The following DENND3 variants were observed in gnomAD, a reference collection of about 807,000 sequenced individuals.
The protein encoded by DENND3 is DENN domain-containing protein 3.
A neutral mutation model predicts 135.1 loss-of-function variants in DENND3; 88 were observed. That is an observed-to-expected ratio of 0.65 (90% CI 0.55 to 0.78). The LOEUF is 0.78. Ranked by LOEUF, DENND3 falls within the 30% of genes least tolerant of loss-of-function variation. DENND3 has a pLI of 0.00. For synonymous variants in DENND3, 693 were observed against 712.3 expected, an observed-to-expected ratio of 0.97 and a Z score of 0.43; for missense variants, 1,392 against 1,688.4, an observed-to-expected ratio of 0.82 and a Z score of 3.08.
chr8:141,190,575 C>T (rs991268344), intron 20 of DENND3, 158 bp downstream of exon 20: 2 of 1,137,722 alleles, frequency 1.8e-6, no homozygotes, highest in African/African-American at 3.2e-5. Flanking sequence ...AACCTTTACT[C>T]CACCTGCACT....
At chr8:141,163,184 G>C (rs147296754) in intron 9 of DENND3, 149 bp from the exon 10 acceptor site, 1 of 521,618 alleles carries the variant, frequency 1.9e-6, no homozygotes, top group East Asian at 2.9e-5. Context: ...CATCCACATC[G>C]TATCATTTTG....
rs1817397194 is a variant in DENND3, at chr8:141,141,091, T to G, written c.502-112T>G. The G allele has an allele frequency of 1.2e-4, 178 of 1,502,452 alleles. No homozygotes were observed. Among genetic ancestry groups the G allele is most frequent in the East Asian group, 6.8e-4 (29 of 42,718 alleles). 93.1% of individuals were successfully genotyped at this position (1,502,452 alleles called of 1,614,324 possible). On this transcript the variant is annotated intron_variant, in intron 3 of 22. Coordinates refer to ENST00000519811, the MANE Select transcript of DENND3 (RefSeq NM_001352890.3). This position sits in a 1 kb window ranked among gnomAD's most constrained non-coding sequence, Gnocchi z 5.3. Reference sequence around the variant, plus strand: ...TGCTGGCTTGGACGCGTTGCAGGGGTGGGGATGGTGGACTCTCAGCTTGCT... The same window carrying G: ...TGCTGGCTTGGACGCGTTGCAGGGGGGGGGATGGTGGACTCTCAGCTTGCT...
chr8:141,190,396 C>A lies in DENND3; in HGVS notation c.3358C>A (p.His1120Asn). ...PRGGLTSIRL[H>N]GGRLWCCTGN... Reference sequence around the variant, plus strand: ...AGGTGGCCTGACGTCCATCAGACTGCACGGCGGCCGCCTGTGGTGCTGTAA... The same window carrying A: ...AGGTGGCCTGACGTCCATCAGACTGAACGGCGGCCGCCTGTGGTGCTGTAA... The change falls in exon 20 of 23, where the codon CAC (histidine) becomes AAC (asparagine). Residue 1120 changes from histidine to asparagine, a missense_variant. Coordinates refer to ENST00000519811, the MANE Select transcript of DENND3 (RefSeq NM_001352890.3). 2 of 1,610,750 alleles carry A rather than the reference C, an allele frequency of 1.2e-6. No homozygotes were observed. Among genetic ancestry groups the A allele is most frequent in the Non-Finnish European group, 8.5e-7 (1 of 1,179,284 alleles).
Position 141,183,578 on chromosome 8 carries a change from G to A in DENND3, c.2945-1561G>A, listed in dbSNP as rs187282440. ...CCAAAAGCAATGATTTTAAAAAGAA[G>A]ACACTTTTTTTTTCCTCCTTTCAAA... On this transcript the variant is annotated intron_variant, in intron 17 of 22. Transcript: ENST00000519811. Among the ~76,000 whole-genome samples the A allele has an allele frequency of 2.2e-4, 34 of 151,824 alleles. 1 individual carries two copies. The highest frequency in any genetic ancestry group is 8.2e-4 in the African/African-American group (34 of 41,288).
intron 20 of DENND3, 172 bp downstream of exon 20, chr8:141,190,589 G>C: frequency 4.0e-6 from 4 of 991,412 alleles, no homozygotes; most frequent in Non-Finnish European, 5.5e-6. Context: ...CTGCACTGCT[G>C]CTCCTGGGGG....
chr8:141,193,179 C>G (rs1419746360), intron 22 of DENND3: 4 of 186,020 alleles, frequency 2.2e-5, no homozygotes, highest in African/African-American at 9.5e-5. Flanking sequence ...TCTGAACTAT[C>G]TGCAGACTCT....
chr8:141,132,994 TC>T (rs561918084), intron 1 of DENND3, among the ~76,000 whole-genome samples: 46 of 152,210 alleles, frequency 3.0e-4, no homozygotes, highest in African/African-American at 1.1e-3. Flanking sequence ...CTCCACCGCA[TC>T]CCCTCAAATG....
rs541242981 is a variant in DENND3, at chr8:141,165,245, C to T, written c.1509C>T (p.Asp503=). 4.8e-5 allele frequency: 77 copies of T among 1,614,200 alleles called. No individual in the cohort carries two copies. Among genetic ancestry groups the T allele is most frequent in the East Asian group, 4.5e-4 (20 of 44,884 alleles). ...AAGCCCGGCTCAATAGGAGGATGGA[C>T]GCCTTTGCTCAGATGGACCTCGACA... ...FLKARLNRRM[D]AFAQMDLDTQ... Residue 503 remains aspartate, a synonymous_variant, in exon 11 of 23, where the codon GAC becomes GAT. Transcript: ENST00000519811.
Position 141,150,964 on chromosome 8 carries a change from C to A in DENND3, c.855+11C>A. ...GAGAAGGTGCTACAGGTACGCGGCCCCGCCCCGGCGAGCGCGTCTTGTGCT... is the reference window on the plus strand; with the variant it reads ...GAGAAGGTGCTACAGGTACGCGGCCACGCCCCGGCGAGCGCGTCTTGTGCT... On this transcript the variant is annotated intron_variant, in intron 6 of 22. Transcript: ENST00000519811. 2 of 1,529,106 alleles carry A rather than the reference C, an allele frequency of 1.3e-6. No individual in the cohort carries two copies. Among genetic ancestry groups the A allele is most frequent in the Non-Finnish European group, 1.7e-6 (2 of 1,143,268 alleles). The allele number at this position is 1,529,106 out of a possible 1,614,324, so 94.7% of individuals were successfully genotyped here.
chr8:141,152,017 C>T (rs554363641), intron 7 of DENND3, among the ~76,000 whole-genome samples, 180 bp downstream of exon 7: 13 of 152,342 alleles, frequency 8.5e-5, no homozygotes, highest in African/African-American at 2.4e-4. Flanking sequence ...GTGATGAAGC[C>T]GGGACCCCTT....
intron 4 of DENND3, chr8:141,142,471 CTGT>C: frequency 2.3e-6 from 1 of 433,532 alleles, no homozygotes; most frequent in Non-Finnish European, 4.6e-6. Context: ...AGGAACCTTA[CTGT>C]TCAAATCAAT....
chr8:141,189,555 C>T lies in DENND3; in HGVS notation c.3245+409C>T, dbSNP rs144902729. ...CTGCTGTTTCCCACAGTGGGAGCAG[C>T]ACTGGACACGGGGCATCCAGGGAGA... On this transcript the variant is annotated intron_variant, in intron 19 of 22. Transcript: ENST00000519811. 3.0e-3 allele frequency among the ~76,000 whole-genome samples: 454 copies of T among 152,362 alleles called. 1 individual carries two copies. The highest frequency in any genetic ancestry group is 0.01 in the African/African-American group (424 of 41,586).
Position 141,189,801 on chromosome 8 carries a change from G to A in DENND3, c.3246-483G>A, listed in dbSNP as rs1472541803. 3.9e-5 allele frequency among the ~76,000 whole-genome samples: 6 copies of A among 152,306 alleles called. No individual in the cohort carries two copies. The South Asian group carries it at 8.3e-4, about 21-fold the overall frequency. On this transcript the variant is annotated intron_variant, in intron 19 of 22. Coordinates refer to ENST00000519811, the MANE Select transcript of DENND3 (RefSeq NM_001352890.3). ...AGCTGGCTCAGGAGGTTCAGGGGTG[G>A]CGCAGGGTGCAGGCTCGAGCCCAGC...
chr8:141,167,863 A>G lies in DENND3; in HGVS notation c.1754-141A>G. The G allele has an allele frequency of 8.2e-7, 1 of 1,216,406 alleles. No individual in the cohort carries two copies. Among genetic ancestry groups the G allele is most frequent in the East Asian group, 2.4e-5 (1 of 41,948 alleles). 75.4% of individuals were successfully genotyped at this position (1,216,406 alleles called of 1,614,324 possible). ...GCCTCCCAGGGGGGTGGGTGTGTGGAGCTTTCTGGAGGGAGCACACCCATT... is the reference window on the plus strand; with the variant it reads ...GCCTCCCAGGGGGGTGGGTGTGTGGGGCTTTCTGGAGGGAGCACACCCATT... On this transcript the variant is annotated intron_variant, in intron 12 of 22. Coordinates refer to ENST00000519811, the MANE Select transcript of DENND3 (RefSeq NM_001352890.3). This position sits in a 1 kb window ranked among gnomAD's most constrained non-coding sequence, Gnocchi z 4.1.
intron 1 of DENND3, among the ~76,000 whole-genome samples, chr8:141,129,135 CCT>C (rs1815591852): frequency 6.6e-6 from 1 of 152,214 alleles, no homozygotes; most frequent in African/African-American, 2.4e-5. Flanking sequence ...GTCTCTGGGG[CCT>C]CTCTCTTCAG....
At chr8:141,190,149 T>C in intron 19 of DENND3, 135 bp from the exon 20 acceptor site, 1 of 1,194,870 alleles carries the variant, frequency 8.4e-7, no homozygotes, top group Non-Finnish European at 1.1e-6. Flanking sequence ...GTTTGCATGT[T>C]ATTATCATGT....
At chr8:141,151,973 A>G (rs1818844797) in intron 7 of DENND3, 136 bp downstream of exon 7, 1 of 1,076,400 alleles carries the variant, frequency 9.3e-7, no homozygotes, top group South Asian at 1.5e-5. Flanking sequence ...GGGTACCGTG[A>G]GAAGTGGCTG....
chr8:141,188,298 T>G (rs1412996856), intron 18 of DENND3: 1 of 152,246 alleles, frequency 6.6e-6, no homozygotes, highest in Non-Finnish European at 1.5e-5. Context: ...TTGACTTTGC[T>G]TAGCTTAGAC....
At position 141,129,346 on chromosome 8, in the gene DENND3, G is replaced by A. The variant is rs557393382; in HGVS notation, c.102+537G>A. Among the ~76,000 whole-genome samples, 4 of 152,132 alleles carry A rather than the reference G, an allele frequency of 2.6e-5. No individual in the cohort carries two copies. The South Asian group carries it at 8.3e-4, about 32-fold the overall frequency. On this transcript the variant is annotated intron_variant, in intron 1 of 22. Transcript: ENST00000519811. ...CGAGAGAGCAATCTTAGAGTTAGCC[G>A]CCGGCCTCGCGTATTCTGCATGAAC...
Sources: allele counts gnomAD v4.1 joint callset (sites outside exome capture counted in the v4.1 genomes callset), GRCh38; gene constraint gnomAD v4.1.1; non-coding constraint Gnocchi (gnomAD v3.1); transcripts MANE v1.5; gene names NCBI Gene and HGNC (gene_info 2026-07-23, HGNC 2026-07-21).